Variants in INTS5 observed in about 807,000 individuals in gnomAD.
INTS5 encodes integrator complex subunit 5.
In INTS5, 29 loss-of-function variants were observed where a neutral mutation model predicts 60.0. The observed-to-expected ratio is 0.48, with a 90% CI of 0.36 to 0.66. The LOEUF is 0.66. INTS5 is among the 30% of genes least tolerant of loss of function. The pLI is 0.00. For missense variants in INTS5, 1,129 were observed against 1,307.9 expected (o/e 0.86, Z 2.11); for synonymous variants, 588 against 558.8 (o/e 1.05, Z -0.74).
At position 62,649,242 on chromosome 11, in the gene INTS5, G is replaced by T; in HGVS notation, c.838C>A (p.Pro280Thr). The T allele has an allele frequency of 6.2e-7, 1 of 1,613,822 alleles. No homozygotes were observed. Among genetic ancestry groups the T allele is most frequent in the Non-Finnish European group, 8.5e-7 (1 of 1,179,710 alleles). The change falls in exon 2 of 2, where the codon CCT becomes ACT. Residue 280 changes from proline to threonine, a missense_variant. By Grantham distance (38) the Pro-to-Thr change is conservative (BLOSUM62 -1). Coordinates refer to ENST00000330574, the MANE Select transcript of INTS5 (RefSeq NM_030628.2). This position sits in a 1 kb window ranked among gnomAD's most constrained non-coding sequence, Gnocchi z 6.0. Reference protein sequence around the residue: ...TPSTDPFPGSPAIPAEKRVPK... With the variant: ...TPSTDPFPGSTAIPAEKRVPK... Reference sequence around the variant, plus strand: ...ACCCGTTTCTCCGCAGGAATGGCAGGAGATCCAGGGAAGGGGTCTGTAGAG... The same window carrying T: ...ACCCGTTTCTCCGCAGGAATGGCAGTAGATCCAGGGAAGGGGTCTGTAGAG...
Position 62,648,800 on chromosome 11 carries a change from A to G in INTS5, c.1280T>C (p.Val427Ala), listed in dbSNP as rs1021206579. The G allele has an allele frequency of 1.2e-6, 2 of 1,614,060 alleles. No individual in the cohort carries two copies. The highest frequency in any genetic ancestry group is 8.5e-7 in the Non-Finnish European group (1 of 1,180,046). ...ACAAGCCTCACGCACGGTGTCTGGC[A>G]CAGCCAGGCCCTGGGTGGTAATGAC... ...ASVITTQGLA[V>A]PDTVREACDR... is the part of the protein sequence containing the mutation. The change falls in exon 2 of 2, where the codon GTG becomes GCG. Residue 427 changes from valine to alanine, a missense_variant. Val to Ala is a moderately conservative substitution (Grantham distance 64, BLOSUM62 0). This residue lies in a region of INTS5 where 1,070 missense variants were observed against 1,246.1 expected (regional missense o/e 0.86). Transcript: ENST00000330574. This position sits in a 1 kb window ranked among gnomAD's most constrained non-coding sequence, Gnocchi z 4.4.
rs756914338 is a variant in INTS5 at position 62,647,852 on chromosome 11, C to T, written c.2228G>A (p.Gly743Glu). The T allele has an allele frequency of 6.2e-7, 1 of 1,614,234 alleles. No homozygotes were observed. Among genetic ancestry groups the T allele is most frequent in the South Asian group, 1.1e-5 (1 of 91,088 alleles). Residue 743 changes from glycine (G) to glutamate (E), a missense_variant, in exon 2 of 2, where the codon GGA becomes GAA. Physicochemically the swap from Gly to Glu is moderately conservative, Grantham distance 98. This residue lies in a region of INTS5 where 1,070 missense variants were observed against 1,246.1 expected (regional missense o/e 0.86). Coordinates refer to ENST00000330574, the MANE Select transcript of INTS5 (RefSeq NM_030628.2). Reference protein sequence around the residue: ...RRHTAAVPGPGGIWSVFHAGV... With the variant: ...RRHTAAVPGPEGIWSVFHAGV... ...AGCATGGAAAACTGACCAAATCCCT[C>T]CAGGACCTGGCACAGCTGCAGTGTG...
In INTS5 at chr11:62,647,956, T is replaced by C; in HGVS notation, c.2124A>G (p.Gln708=). ...AGAGAGTCTCATTGTCCCCATCTAC[T>C]TGCCCACCAAACAGTTCTGTGTTGC... ...HRGNTELFGG[Q]VDGDNETLSV... is the part of the protein sequence containing the mutation. Residue 708 remains glutamine (Q), a synonymous_variant, in exon 2 of 2, where the codon CAA becomes CAG. Transcript: ENST00000330574. 1 of 1,614,200 alleles carries C rather than the reference T, an allele frequency of 6.2e-7. No homozygotes were observed. The highest frequency in any genetic ancestry group is 1.3e-5 in the African/African-American group (1 of 75,058).
At position 62,649,041 on chromosome 11, in the gene INTS5, T is replaced by A; in HGVS notation, c.1039A>T (p.Met347Leu). 1 of 1,612,270 alleles carries A rather than the reference T, an allele frequency of 6.2e-7. No homozygotes were observed. Among genetic ancestry groups the A allele is most frequent in the African/African-American group, 1.3e-5 (1 of 74,994 alleles). Residue 347 changes from methionine to leucine, a missense_variant, in exon 2 of 2, where the codon ATG becomes TTG. This residue lies in a region of INTS5 where 1,070 missense variants were observed against 1,246.1 expected (regional missense o/e 0.86). Coordinates refer to ENST00000330574, the MANE Select transcript of INTS5 (RefSeq NM_030628.2). The surrounding 1 kb of genome is among the most constrained non-coding windows in gnomAD (Gnocchi z 6.0). ...ACAGTGCCCAGCAAAGCTGGTGACA[T>A]GACTGCCAGCTGCAGTAGGAACGGA... The part of the protein sequence containing the change: ...TVPFLLQLAV[M>L]SPALLGTVSG...
In INTS5 at chr11:62,648,354, G is replaced by A. The variant is rs201064662; in HGVS notation, c.1726C>T (p.Arg576Cys). 5.6e-6 allele frequency: 9 copies of A among 1,613,960 alleles called. No homozygotes were observed. Among genetic ancestry groups the A allele is most frequent in the South Asian group, 3.3e-5 (3 of 91,078 alleles). Reference protein sequence around the residue: ...LQPPFTARFLRNLALLVGWEQ... With the variant: ...LQPPFTARFLCNLALLVGWEQ... ...CACCCTACTAGCAGTGCCAAGTTGC[G>A]CAGGAACCGGGCCGTGAAGGGAGGC... Residue 576 changes from arginine (R) to cysteine (C), a missense_variant, in exon 2 of 2, where the codon CGC becomes TGC. Physicochemically the swap from Arg to Cys is radical, Grantham distance 180 (BLOSUM62 -3). Coordinates refer to ENST00000330574, the MANE Select transcript of INTS5 (RefSeq NM_030628.2). This position sits in a 1 kb window ranked among gnomAD's most constrained non-coding sequence, Gnocchi z 4.4.
rs1391401153 is a variant in INTS5, at chr11:62,646,920, G to T, written c.*100C>A. The T allele has an allele frequency of 4.7e-6, 5 of 1,059,648 alleles. No homozygotes were observed. The highest frequency in any genetic ancestry group is 4.9e-5 in the Admixed American group (2 of 40,770). The allele number at this position is 1,059,648 out of a possible 1,614,324, so 65.6% of individuals were successfully genotyped here. Reference sequence around the variant, plus strand: ...GAGAAAAAAGTGACAGCGCTCTTTAGACCAAGGACTTAGAAGAGAAACCTC... The same window carrying T: ...GAGAAAAAAGTGACAGCGCTCTTTATACCAAGGACTTAGAAGAGAAACCTC... On this transcript the variant is annotated 3_prime_UTR_variant, in exon 2 of 2. Transcript: ENST00000330574.
At position 62,649,663 on chromosome 11, in the gene INTS5, G is replaced by C. The variant is rs371573123; in HGVS notation, c.417C>G (p.Ala139=). 40 of 1,614,102 alleles carry C rather than the reference G, an allele frequency of 2.5e-5. No individual in the cohort carries two copies. In the African/African-American group the frequency reaches 3.9e-4, roughly 16 times the overall value. The change falls in exon 2 of 2, where the codon GCC becomes GCG. Residue 139 remains alanine, a synonymous_variant. Transcript: ENST00000330574. This position sits in a 1 kb window ranked among gnomAD's most constrained non-coding sequence, Gnocchi z 6.0. ...ACCATGCACTAATCACAGGTGCCCAGGCCTTTGGGTTGGCCCGGATAAACT... is the reference window on the plus strand; with the variant it reads ...ACCATGCACTAATCACAGGTGCCCACGCCTTTGGGTTGGCCCGGATAAACT... The part of the protein sequence containing the change: ...LSEFIRANPK[A]WAPVISAWSI...
Position 62,646,924 on chromosome 11 carries a change from A to G in INTS5, c.*96T>C. On this transcript the variant is annotated 3_prime_UTR_variant, in exon 2 of 2. Transcript: ENST00000330574. Reference sequence around the variant, plus strand: ...AAAAAGTGACAGCGCTCTTTAGACCAAGGACTTAGAAGAGAAACCTCCACC... The same window carrying G: ...AAAAAGTGACAGCGCTCTTTAGACCGAGGACTTAGAAGAGAAACCTCCACC... The G allele has an allele frequency of 9.3e-7, 1 of 1,073,656 alleles. No individual in the cohort carries two copies. The highest frequency in any genetic ancestry group is 1.6e-5 in the African/African-American group (1 of 62,910). The allele number at this position is 1,073,656 out of a possible 1,614,324, so 66.5% of individuals were successfully genotyped here.
At chr11:62,652,058 G>T (rs1469551627) in intron 1 of INTS5, among the ~76,000 whole-genome samples, 1 of 151,356 alleles carries the variant, frequency 6.6e-6, no homozygotes, top group Non-Finnish European at 1.5e-5. Flanking sequence ...GGTGCCTCAC[G>T]TCTGTAATCC....
rs533539000 is a variant in INTS5, at chr11:62,653,267, G to A, written c.-18C>T. 3.5e-5 allele frequency: 43 copies of A among 1,242,562 alleles called. No individual in the cohort carries two copies. The South Asian group carries it at 3.7e-4, about 11-fold the overall frequency. The allele number at this position is 1,242,562 out of a possible 1,614,324, so 77.0% of individuals were successfully genotyped here. On this transcript the variant is annotated 5_prime_UTR_variant, in exon 1 of 2. Transcript: ENST00000330574. ...GCGGACATCCCGGAGCCCGAGCCGA[G>A]CCCGAGGCGCGAGCGGCGGAGCGCA...
rs1268665397 is a variant in INTS5 at position 62,647,398 on chromosome 11, G to C, written c.2682C>G (p.His894Gln). The change falls in exon 2 of 2, where the codon CAC becomes CAG. Residue 894 changes from histidine (H) to glutamine (Q), a missense_variant. Coordinates refer to ENST00000330574, the MANE Select transcript of INTS5 (RefSeq NM_030628.2). Reference protein sequence around the residue: ...ALLGHWEASRHPDTTHSPWHL... With the variant: ...ALLGHWEASRQPDTTHSPWHL... The stretch of plus-strand genomic sequence containing the variant: ...GCCAGGGGGAGTGGGTCGTGTCAGG[G>C]TGGCGAGAGGCTTCCCAATGGCCCA... The C allele has an allele frequency of 1.2e-6, 2 of 1,612,072 alleles. No homozygotes were observed. The highest frequency in any genetic ancestry group is 1.7e-6 in the Non-Finnish European group (2 of 1,179,022).
intron 1 of INTS5, among the ~76,000 whole-genome samples, chr11:62,651,929 A>C (rs1264756907): frequency 2.0e-5 from 3 of 152,174 alleles, no homozygotes; most frequent in Non-Finnish European, 4.4e-5. Flanking sequence ...GCTCTTCAAC[A>C]CTGTATCCAC....
intron 1 of INTS5, 28 bp downstream of exon 1, chr11:62,653,142 G>C: frequency 8.2e-7 from 1 of 1,223,706 alleles, no homozygotes; most frequent in Non-Finnish European, 1.0e-6. Context: ...CCGCGCGATG[G>C]GGGGAAGGTG....
chr11:62,651,670 G>A (rs548583510), intron 1 of INTS5, among the ~76,000 whole-genome samples: 2 of 151,774 alleles, frequency 1.3e-5, no homozygotes, highest in South Asian at 2.1e-4. Context: ...CCAGTCTGAG[G>A]AACATAGTGA....
chr11:62,649,073 G>A lies in INTS5; in HGVS notation c.1007C>T (p.Ala336Val). Residue 336 changes from alanine to valine, a missense_variant, in exon 2 of 2, where the codon GCC (alanine) becomes GTC (valine). Coordinates refer to ENST00000330574, the MANE Select transcript of INTS5 (RefSeq NM_030628.2). The surrounding 1 kb of genome is among the most constrained non-coding windows in gnomAD (Gnocchi z 6.0). ...CAGCTGCAGTAGGAACGGAACCGTG[G>A]CCTGAAGGGAGGGGTCCCCACTGCG... Reference protein sequence around the residue: ...GGRSGDPSLQATVPFLLQLAV... With the variant: ...GGRSGDPSLQVTVPFLLQLAV... 2 of 1,610,870 alleles carry A rather than the reference G, an allele frequency of 1.2e-6. No individual in the cohort carries two copies. Among genetic ancestry groups the A allele is most frequent in the Non-Finnish European group, 1.7e-6 (2 of 1,177,694 alleles).
chr11:62,646,933 G>A lies in INTS5; in HGVS notation c.*87C>T, dbSNP rs1944518321. On this transcript the variant is annotated 3_prime_UTR_variant, in exon 2 of 2. Coordinates refer to ENST00000330574, the MANE Select transcript of INTS5 (RefSeq NM_030628.2). ...CAGCGCTCTTTAGACCAAGGACTTA[G>A]AAGAGAAACCTCCACCCTTCCGGAG... 1.8e-6 allele frequency: 2 copies of A among 1,132,302 alleles called. No homozygotes were observed. The highest frequency in any genetic ancestry group is 2.5e-6 in the Non-Finnish European group (2 of 785,850). The allele number at this position is 1,132,302 out of a possible 1,614,324, so 70.1% of individuals were successfully genotyped here.
Position 62,648,682 on chromosome 11 carries a change from T to C in INTS5, c.1398A>G (p.Pro466=), listed in dbSNP as rs1199205863. The part of the protein sequence containing the change: ...SPGEGVLGPP[P]PPRLVPFLDA... ...CTAAAAAGGGCACCAAGCGGGGAGG[T>C]GGGGGCGGGCCTAGCACCCCTTCCC... Residue 466 remains proline (P), a synonymous_variant, in exon 2 of 2, where the codon CCA becomes CCG. Coordinates refer to ENST00000330574, the MANE Select transcript of INTS5 (RefSeq NM_030628.2). This position sits in a 1 kb window ranked among gnomAD's most constrained non-coding sequence, Gnocchi z 4.4. 1.2e-6 allele frequency: 2 copies of C among 1,613,622 alleles called. No individual in the cohort carries two copies. Among genetic ancestry groups the C allele is most frequent in the Admixed American group, 1.7e-5 (1 of 60,000 alleles).
Position 62,653,242 on chromosome 11 carries a change from G to A in INTS5, c.8C>T (p.Ala3Val), listed in dbSNP as rs1388671614. 4 of 1,244,116 alleles carry A rather than the reference G, an allele frequency of 3.2e-6. No homozygotes were observed. Among genetic ancestry groups the A allele is most frequent in the Admixed American group, 4.2e-5 (1 of 23,686 alleles). 77.1% of individuals were successfully genotyped at this position (1,244,116 alleles called of 1,614,324 possible). Residue 3 changes from alanine to valine, a missense_variant, in exon 1 of 2, where the codon GCG (alanine) becomes GTG (valine). By Grantham distance (64) the Ala-to-Val change is moderately conservative (BLOSUM62 0). Around this residue, in one of 3 missense-constraint regions of INTS5, gnomAD observed 54 missense variants for 43.1 expected, o/e 1.25. Coordinates refer to ENST00000330574, the MANE Select transcript of INTS5 (RefSeq NM_030628.2). MS[A>V]LCDPPGAPGP... ...TGGGGCCCCGGGAGGGTCGCACAGC[G>A]CGGACATCCCGGAGCCCGAGCCGAG...
In INTS5 at chr11:62,647,865, C is replaced by A; in HGVS notation, c.2215G>T (p.Val739Leu). Residue 739 changes from valine (V) to leucine (L), a missense_variant, in exon 2 of 2, where the codon GTG becomes TTG. By Grantham distance (32) the Val-to-Leu change is conservative. Transcript: ENST00000330574. ...GACCAAATCCCTCCAGGACCTGGCA[C>A]AGCTGCAGTGTGCCTCCGGTTAGTG... Reference protein sequence around the residue: ...LDTNRRHTAAVPGPGGIWSVF... With the variant: ...LDTNRRHTAALPGPGGIWSVF... 1 of 1,614,242 alleles carries A rather than the reference C, an allele frequency of 6.2e-7. No individual in the cohort carries two copies. The highest frequency in any genetic ancestry group is 8.5e-7 in the Non-Finnish European group (1 of 1,180,042).
Sources: allele counts gnomAD v4.1 joint callset (sites outside exome capture counted in the v4.1 genomes callset), GRCh38; gene constraint gnomAD v4.1.1; regional missense constraint gnomAD v4.1.1; non-coding constraint Gnocchi (gnomAD v3.1); transcripts MANE v1.5; gene names NCBI Gene and HGNC (gene_info 2026-07-23, HGNC 2026-07-21).